ANXA8: variants seen among roughly 807,000 people sequenced by gnomAD.
ANXA8 encodes the protein annexin A8, also known as VAC-beta.
In ANXA8, 9 loss-of-function variants were observed where a neutral mutation model predicts 26.8. The observed-to-expected ratio is 0.34, with a 90% CI of 0.20 to 0.59. The LOEUF is 0.59. Ranked by LOEUF, ANXA8 falls within the 20% of genes least tolerant of loss-of-function variation. ANXA8 has a pLI of 0.84. For missense variants in ANXA8, 83 were observed against 238.5 expected, an observed-to-expected ratio of 0.35 and a Z score of 4.29; for synonymous variants, 39 against 94.8, an observed-to-expected ratio of 0.41 and a Z score of 3.42.
chr10:47,597,378 T>A, the ANXA8 span, among the ~76,000 whole-genome samples: 1 of 148,568 alleles, frequency 6.7e-6, no homozygotes, highest in African/African-American at 2.6e-5. Flanking sequence ...ACCACTCTTA[T>A]TCAACTTAAT....
At chr10:47,778,894 C>T in the ANXA8 span, among the ~76,000 whole-genome samples, 3 of 117,058 alleles carry the variant, frequency 2.6e-5, no homozygotes, top group Admixed American at 9.6e-5. Flanking sequence ...GGATTTCTGC[C>T]TACATTATGA....
chr10:47,741,865 A>G, the ANXA8 span, among the ~76,000 whole-genome samples: 1 of 127,050 alleles, frequency 7.9e-6, no homozygotes, highest in African/African-American at 2.9e-5. Context: ...TTTGAGACAG[A>G]GTTTTGCTCT....
At chr10:47,977,565 G>A in the ANXA8 span, among the ~76,000 whole-genome samples, 6,050 of 151,518 alleles carry the variant, frequency 0.04, 313 homozygotes, top group East Asian at 0.21. Flanking sequence ...TTTAAAGAAT[G>A]TTAAAAAGCA....
the ANXA8 span, among the ~76,000 whole-genome samples, chr10:47,550,392 T>C: frequency 6.9e-6 from 1 of 144,276 alleles, no homozygotes; most frequent in Admixed American, 7.0e-5. Flanking sequence ...TGTTAAATGG[T>C]GTGTTCGCAG....
chr10:47,666,057 T>C, the ANXA8 span, among the ~76,000 whole-genome samples: 3 of 151,276 alleles, frequency 2.0e-5, no homozygotes, highest in South Asian at 6.2e-4. Context: ...GAGTAGTTTT[T>C]AGGTACAGTC....
the ANXA8 span, among the ~76,000 whole-genome samples, chr10:47,747,204 G>T: frequency 2.3e-3 from 346 of 151,980 alleles, 1 homozygote; most frequent in African/African-American, 8.0e-3. Context: ...GGCAGCAAAG[G>T]CAGCAGAGTC....
chr10:47,900,875 T>G, the ANXA8 span, among the ~76,000 whole-genome samples: 8 of 151,232 alleles, frequency 5.3e-5, no homozygotes, highest in Admixed American at 5.3e-4. Flanking sequence ...AACTAGTACC[T>G]TGAGAAAGAA....
chr10:47,511,417 C>T, the ANXA8 span, among the ~76,000 whole-genome samples: 1 of 135,640 alleles, frequency 7.4e-6, no homozygotes, highest in Non-Finnish European at 1.6e-5. Context: ...GCTCTGTGTG[C>T]CAGGGCTGCT....
chr10:47,585,884 C>A, the ANXA8 span, among the ~76,000 whole-genome samples: 1 of 86,578 alleles, frequency 1.2e-5, no homozygotes, highest in Non-Finnish European at 2.2e-5. Context: ...CACTGTCATC[C>A]GATTTAGGCT....
the ANXA8 span, among the ~76,000 whole-genome samples, chr10:47,548,861 C>T: frequency 3.3e-5 from 5 of 152,138 alleles, no homozygotes; most frequent in Non-Finnish European, 7.4e-5. Flanking sequence ...TCTATTTCAT[C>T]TTATGTAAAC....
At chr10:47,615,453 A>G in the ANXA8 span, among the ~76,000 whole-genome samples, 2 of 72,622 alleles carry the variant, frequency 2.8e-5, 1 homozygote, top group East Asian at 5.4e-4. Flanking sequence ...TCCAGACCCC[A>G]TCTTCATGGG....
the ANXA8 span, chr10:47,689,569 A>G: frequency 1.9e-6 from 1 of 516,938 alleles, no homozygotes; most frequent in Non-Finnish European, 3.4e-6. Context: ...ATTAAATGGC[A>G]TATCAAAAAA....
At chr10:47,656,389 C>G in the ANXA8 span, among the ~76,000 whole-genome samples, 2 of 149,772 alleles carry the variant, frequency 1.3e-5, no homozygotes, top group South Asian at 4.2e-4. Flanking sequence ...CAGAGGGAAA[C>G]CCTGTCTCAA....
the ANXA8 span, among the ~76,000 whole-genome samples, chr10:47,528,322 G>A: frequency 2.9e-5 from 4 of 138,846 alleles, no homozygotes; most frequent in African/African-American, 8.1e-5. Flanking sequence ...TTCGTGATCC[G>A]CCTGTCTCGG....
rs1322554470 is a variant in ANXA8, at chr10:47,480,961, TGTAA to T, written c.22-1077_22-1074del. Among the ~76,000 whole-genome samples, 125 of 119,524 alleles carry T rather than the reference TGTAA, an allele frequency of 1.0e-3. 2 individuals are homozygous for T. The highest frequency in any genetic ancestry group is 3.4e-3 in the African/African-American group (118 of 34,204). 78.4% of individuals were successfully genotyped at this position (119,524 alleles called of 152,430 possible). On this transcript the variant is annotated intron_variant, in intron 1 of 11. Transcript: ENST00000585281. The stretch of plus-strand genomic sequence containing the variant: ...CAGAGATTCCAATGGATGGTATATC[TGTAA>T]GTATCTTTCCTTTGAGTAAGAGGTA...
chr10:47,523,278 GT>G, the ANXA8 span: 1 of 1,576,144 alleles, frequency 6.3e-7, no homozygotes, highest in Non-Finnish European at 8.5e-7. Flanking sequence ...CAAACCGAGG[GT>G]AGATGGCACC....
At chr10:47,921,747 G>C in the ANXA8 span, among the ~76,000 whole-genome samples, 1 of 151,528 alleles carries the variant, frequency 6.6e-6, no homozygotes, top group African/African-American at 2.4e-5. Flanking sequence ...CATGCAACAA[G>C]TGCTTCTAAC....
At chr10:47,694,781 C>G in the ANXA8 span, among the ~76,000 whole-genome samples, 1 of 151,644 alleles carries the variant, frequency 6.6e-6, no homozygotes, top group South Asian at 2.1e-4. Context: ...ACACAGTAGA[C>G]AGTTTGCTAT....
At chr10:47,682,558 C>T in the ANXA8 span, among the ~76,000 whole-genome samples, 2 of 151,154 alleles carry the variant, frequency 1.3e-5, no homozygotes, top group Non-Finnish European at 2.9e-5. Context: ...CAACCTCCAC[C>T]TCCCGGGTTC....
Sources: allele counts gnomAD v4.1 joint callset (sites outside exome capture counted in the v4.1 genomes callset), GRCh38; gene constraint gnomAD v4.1.1; transcripts MANE v1.5; gene names NCBI Gene and HGNC (gene_info 2026-07-23, HGNC 2026-07-21).